ANXA7: variants seen among roughly 807,000 people sequenced by gnomAD.
ANXA7 encodes the protein annexin VII.
In ANXA7, 55 loss-of-function variants were observed where a neutral mutation model predicts 64.9. The ratio of observed to expected loss-of-function variants is 0.85; its 90% CI spans 0.68 to 1.06. The LOEUF is 1.06. Ranked by LOEUF, ANXA7 falls within the 50% of genes least tolerant of loss-of-function variation. The pLI, the probability that ANXA7 is intolerant of heterozygous loss-of-function variation, is 0.00. For missense variants in ANXA7, 548 were observed against 582.1 expected (o/e 0.94, Z 0.60); for synonymous variants, 200 against 192.4 (o/e 1.04, Z -0.33).
rs540286043 is a variant in ANXA7, at chr10:73,409,569, T to G, written c.-2+4443A>C. 5.3e-5 allele frequency among the ~76,000 whole-genome samples: 8 copies of G among 152,304 alleles called. No individual in the cohort carries two copies. In the East Asian group the frequency reaches 9.6e-4, roughly 18 times the overall value. On this transcript the variant is annotated intron_variant, in intron 1 of 12. Coordinates refer to ENST00000372921, the MANE Select transcript of ANXA7 (RefSeq NM_001156.5). Reference sequence around the variant, plus strand: ...CATGCTCATGGATTGAAAGAATCAATATTGTGAAAATGACCATACTGCCCA... The same window carrying G: ...CATGCTCATGGATTGAAAGAATCAAGATTGTGAAAATGACCATACTGCCCA...
At chr10:73,376,384 A>G (rs144910535) in intron 12 of ANXA7, among the ~76,000 whole-genome samples, 167 bp from the exon 13 acceptor site, 23 of 152,322 alleles carry the variant, frequency 1.5e-4, no homozygotes, top group Non-Finnish European at 2.5e-4. Context: ...GCACTACCCA[A>G]TGAAGGTCTG....
rs781458282 is a variant in ANXA7, at chr10:73,387,715, C to T, written c.607G>A (p.Ala203Thr). The change falls in exon 7 of 13, where the codon GCA becomes ACA. Residue 203 changes from alanine (A) to threonine (T), a missense_variant. Transcript: ENST00000372921. ...RSNDQRQKIKAAFKTSYGKDL... is the reference protein window; with the variant it reads ...RSNDQRQKIKTAFKTSYGKDL... ...TTGCCATAGGAGGTCTTAAATGCTG[C>T]TTTAATTTTTTGCCTCTGATCATTG... is the stretch of plus-strand genomic sequence containing the variant. 7.4e-6 allele frequency: 12 copies of T among 1,614,010 alleles called. No homozygotes were observed. The East Asian group carries it at 2.7e-4, about 36-fold the overall frequency.
At chr10:73,386,676 A>T (rs576317892) in intron 7 of ANXA7, among the ~76,000 whole-genome samples, 1 of 151,340 alleles carries the variant, frequency 6.6e-6, no homozygotes, top group South Asian at 2.1e-4. Flanking sequence ...TTTCCATATT[A>T]TTTTTTTTTG....
chr10:73,389,662 G>A (rs2055437197), intron 5 of ANXA7, among the ~76,000 whole-genome samples: 1 of 152,208 alleles, frequency 6.6e-6, no homozygotes, highest in African/African-American at 2.4e-5. Flanking sequence ...CTCTCACTCT[G>A]TTGTTCAGGC....
intron 5 of ANXA7, among the ~76,000 whole-genome samples, chr10:73,394,657 C>T (rs1348301892): frequency 6.6e-6 from 1 of 152,060 alleles, no homozygotes; most frequent in African/African-American, 2.4e-5. Context: ...GGGAACTGAA[C>T]AATGAGAACA....
intron 5 of ANXA7, among the ~76,000 whole-genome samples, chr10:73,391,249 T>C (rs182447958): frequency 2.0e-5 from 3 of 151,934 alleles, no homozygotes; most frequent in Admixed American, 6.6e-5. Context: ...CAGCAAAATC[T>C]GCTACCAGAA....
chr10:73,396,119 G>C, intron 5 of ANXA7: 1 of 1,555,732 alleles, frequency 6.4e-7, no homozygotes, highest in African/African-American at 1.4e-5. Flanking sequence ...TCTGAAAAAA[G>C]AGTGAAAAGT....
intron 1 of ANXA7, among the ~76,000 whole-genome samples, chr10:73,413,081 G>A (rs1027977170): frequency 1.3e-5 from 2 of 152,100 alleles, no homozygotes; most frequent in Admixed American, 6.6e-5. Context: ...ATTTAAATCC[G>A]TCAGTGATGT....
At chr10:73,389,135 T>C (rs1187207700) in intron 5 of ANXA7, among the ~76,000 whole-genome samples, 1 of 152,248 alleles carries the variant, frequency 6.6e-6, no homozygotes, top group African/African-American at 2.4e-5. Context: ...CCTGATATGA[T>C]GCACTGGGGG....
At position 73,375,427 on chromosome 10, in the gene ANXA7, C is replaced by T. The variant is rs993609121; in HGVS notation, c.*668G>A. The T allele has an allele frequency of 6.6e-6, 1 of 151,876 alleles. No homozygotes were observed. The highest frequency in any genetic ancestry group is 2.4e-5 in the African/African-American group (1 of 41,316). The allele number at this position is 151,876 out of a possible 1,614,324, so 9.4% of individuals were successfully genotyped here. The stretch of plus-strand genomic sequence containing the variant: ...ACAAGGAATGCTGATATCAAAACAC[C>T]ATATTGTACACCTTAAATATATGCA... On this transcript the variant is annotated 3_prime_UTR_variant, in exon 13 of 13. Transcript: ENST00000372921.
intron 2 of ANXA7, among the ~76,000 whole-genome samples, chr10:73,400,079 G>A (rs1289834283): frequency 6.6e-6 from 1 of 151,902 alleles, no homozygotes; most frequent in Non-Finnish European, 1.5e-5. Context: ...GGAGGCATAA[G>A]TTGCAGTGAG....
At chr10:73,381,087 G>A (rs1209012776) in intron 9 of ANXA7, among the ~76,000 whole-genome samples, 4 of 151,946 alleles carry the variant, frequency 2.6e-5, no homozygotes, top group African/African-American at 9.7e-5. Flanking sequence ...GCCCAGGCTG[G>A]GGTGCAATGG....
intron 5 of ANXA7, among the ~76,000 whole-genome samples, chr10:73,391,388 A>G (rs1218668614): frequency 2.0e-5 from 3 of 152,086 alleles, no homozygotes; most frequent in Non-Finnish European, 4.4e-5. Context: ...AGGCAGGAGG[A>G]TCGCTTGAGC....
At chr10:73,380,915 C>T (rs920635987) in intron 9 of ANXA7, among the ~76,000 whole-genome samples, 50 of 152,314 alleles carry the variant, frequency 3.3e-4, no homozygotes, top group African/African-American at 1.2e-3. Context: ...GTGTCAGGCA[C>T]TGTGTTAAGC....
At chr10:73,410,581 G>T (rs1251792787) in intron 1 of ANXA7, among the ~76,000 whole-genome samples, 1 of 152,064 alleles carries the variant, frequency 6.6e-6, no homozygotes, top group Non-Finnish European at 1.5e-5. Context: ...TTGGGAGTTT[G>T]AAACCAGCCT....
chr10:73,381,079 C>T (rs1054137249), intron 9 of ANXA7, among the ~76,000 whole-genome samples: 3 of 151,832 alleles, frequency 2.0e-5, no homozygotes, highest in African/African-American at 4.8e-5. Flanking sequence ...ACTATGTTGC[C>T]CAGGCTGGGG....
intron 9 of ANXA7, 48 bp from the exon 10 acceptor site, chr10:73,380,249 C>T (rs765389814): frequency 2.6e-6 from 4 of 1,555,432 alleles, no homozygotes; most frequent in East Asian, 2.3e-5. Flanking sequence ...AATAGTTCTA[C>T]TAAATTTTTT....
chr10:73,383,265 A>C lies in ANXA7; in HGVS notation c.828T>G (p.Cys276Trp), dbSNP rs1172904118. The part of the protein sequence containing the change: ...TNQEIREIVR[C>W]YQSEFGRDLE... ...GGTCTCGTCCAAATTCTGACTGATA[A>C]CATCTGACAATTTCTCGGATTTCCT... The change falls in exon 9 of 13, where the codon TGT (cysteine) becomes TGG (tryptophan). Residue 276 changes from cysteine to tryptophan, a missense_variant. Transcript: ENST00000372921. 1 of 1,614,014 alleles carries C rather than the reference A, an allele frequency of 6.2e-7. No homozygotes were observed. Among genetic ancestry groups the C allele is most frequent in the Non-Finnish European group, 8.5e-7 (1 of 1,180,018 alleles).
chr10:73,378,158 T>C (rs554407116), intron 12 of ANXA7, among the ~76,000 whole-genome samples: 262 of 151,774 alleles, frequency 1.7e-3, no homozygotes, highest in African/African-American at 6.0e-3. Flanking sequence ...GTGGATCACT[T>C]GAGGTCAGGA....
Sources: allele counts gnomAD v4.1 joint callset (sites outside exome capture counted in the v4.1 genomes callset), GRCh38; gene constraint gnomAD v4.1.1; transcripts MANE v1.5; gene names NCBI Gene and HGNC (gene_info 2026-07-23, HGNC 2026-07-21).